Variants in THNSL1 observed in about 807,000 individuals in gnomAD.
THNSL1 encodes the protein threonine synthase-like 1.
Under a neutral mutation model 50.4 loss-of-function variants are expected in THNSL1, and 48 were observed. The observed-to-expected ratio is 0.95, with a 90% CI of 0.76 to 1.21. The LOEUF (loss-of-function observed/expected upper bound fraction) is 1.21. THNSL1 is among the 50% of genes most tolerant of loss of function. The pLI, the probability that THNSL1 is intolerant of heterozygous loss-of-function variation, is 0.00. For missense variants in THNSL1, 896 were observed against 871.7 expected (o/e 1.03, Z -0.35); for synonymous variants, 309 against 306.1 (o/e 1.01, Z -0.10).
At chr10:24,961,880 G>A in the THNSL1 span, among the ~76,000 whole-genome samples, 1 of 152,146 alleles carries the variant, frequency 6.6e-6, no homozygotes, top group African/African-American at 2.4e-5. Context: ...TTGACCGTGA[G>A]CAAGTTTCTT....
At chr10:24,994,412 C>G in the THNSL1 span, among the ~76,000 whole-genome samples, 2 of 151,454 alleles carry the variant, frequency 1.3e-5, no homozygotes, top group African/African-American at 4.9e-5. Context: ...TGGCTCACTG[C>G]AACCCCCGCC....
Position 25,023,655 on chromosome 10 carries a change from T to C in THNSL1, c.432T>C (p.His144=), listed in dbSNP as rs773061897. ...SNPMHDASMW[H]LKKNGIIVYL... is the part of the protein sequence containing the mutation. ...CAATGCATGATGCTAGCATGTGGCA[T>C]CTGAAGAAAAATGGAATAATTGTAT... The change falls in exon 3 of 3, where the codon CAT becomes CAC. Residue 144 remains histidine (H), a synonymous_variant. Transcript: ENST00000376356. 1.2e-6 allele frequency: 2 copies of C among 1,614,146 alleles called. No individual in the cohort carries two copies. The highest frequency in any genetic ancestry group is 1.7e-6 in the Non-Finnish European group (2 of 1,180,012).
the THNSL1 span, chr10:24,952,490 G>C: frequency 1.9e-6 from 3 of 1,559,426 alleles, no homozygotes; most frequent in Non-Finnish European, 2.6e-6. The surrounding 1 kb of genome is among the most constrained non-coding windows in gnomAD (Gnocchi z 5.1). Flanking sequence ...GGAGGGAGGG[G>C]AGCGGGCCGA....
At chr10:24,997,994 G>A in the THNSL1 span, among the ~76,000 whole-genome samples, 1 of 152,064 alleles carries the variant, frequency 6.6e-6, no homozygotes, top group Non-Finnish European at 1.5e-5. Context: ...CAAGACTAGA[G>A]GAAGATACAA....
intron 1 of THNSL1, among the ~76,000 whole-genome samples, chr10:25,020,726 G>A (rs2132749315): frequency 6.8e-6 from 1 of 146,616 alleles, no homozygotes; most frequent in East Asian, 2.1e-4. Context: ...GGGTGACAGT[G>A]GAAGACCCTT....
At chr10:24,963,792 A>G in the THNSL1 span, among the ~76,000 whole-genome samples, 1 of 152,204 alleles carries the variant, frequency 6.6e-6, no homozygotes, top group Non-Finnish European at 1.5e-5. Flanking sequence ...ATAATGATCT[A>G]AGAAACATTC....
intron 1 of THNSL1, among the ~76,000 whole-genome samples, chr10:25,020,871 G>A (rs996719843): frequency 6.6e-6 from 1 of 152,120 alleles, no homozygotes; most frequent in Non-Finnish European, 1.5e-5. Flanking sequence ...ACAAGCAAAA[G>A]CTTCCTGAAT....
chr10:24,959,677 A>G, the THNSL1 span, among the ~76,000 whole-genome samples: 12 of 152,168 alleles, frequency 7.9e-5, no homozygotes, highest in East Asian at 2.3e-3. Flanking sequence ...ACGTTTCCCA[A>G]ACTTTTTTTT....
the THNSL1 span, among the ~76,000 whole-genome samples, chr10:24,970,719 TAA>T: frequency 2.4e-5 from 3 of 123,024 alleles, no homozygotes; most frequent in African/African-American, 8.6e-5. Flanking sequence ...TCTCTATTAA[TAA>T]AAAAAAAAAA....
chr10:25,009,896 C>T, the THNSL1 span, among the ~76,000 whole-genome samples: 5 of 152,162 alleles, frequency 3.3e-5, no homozygotes, highest in Non-Finnish European at 7.4e-5. Flanking sequence ...TGTGGAACTG[C>T]GAGTCAAACC....
chr10:25,018,927 G>A (rs75765292), intron 1 of THNSL1, among the ~76,000 whole-genome samples: 5,623 of 152,212 alleles, frequency 0.037, 365 homozygotes, highest in African/African-American at 0.13. Context: ...TGATGAACTT[G>A]CAAAATTGTT....
chr10:25,002,337 A>T, the THNSL1 span, among the ~76,000 whole-genome samples: 25 of 151,694 alleles, frequency 1.6e-4, no homozygotes, highest in African/African-American at 5.3e-4. Context: ...TCTCTATGCA[A>T]CTCTCCTCTC....
intron 1 of THNSL1, among the ~76,000 whole-genome samples, chr10:25,021,461 T>C (rs74767611): frequency 0.036 from 5,429 of 152,264 alleles, 341 homozygotes; most frequent in African/African-American, 0.12. Context: ...CCAGATATCC[T>C]TCTGAAAAGT....
At chr10:24,967,950 G>C in the THNSL1 span, among the ~76,000 whole-genome samples, 1 of 151,234 alleles carries the variant, frequency 6.6e-6, no homozygotes, top group South Asian at 2.1e-4. Context: ...GTGTGTATGT[G>C]TATGATGTGT....
Position 25,023,610 on chromosome 10 carries a change from T to G in THNSL1, c.387T>G (p.Ile129Met), listed in dbSNP as rs1850769198. ...VLNFSASGSV[I>M]SLTGSNPMHD... ...ACTTCTCTGCATCTGGAAGTGTGAT[T>G]TCCCTTACTGGGTCCAATCCAATGC... The change falls in exon 3 of 3, where the codon ATT becomes ATG. Residue 129 changes from isoleucine (I) to methionine (M), a missense_variant. By Grantham distance (10) the Ile-to-Met change is conservative. Coordinates refer to ENST00000376356, the MANE Select transcript of THNSL1 (RefSeq NM_024838.5). 2 of 1,614,042 alleles carry G rather than the reference T, an allele frequency of 1.2e-6. No individual in the cohort carries two copies. Among genetic ancestry groups the G allele is most frequent in the African/African-American group, 2.7e-5 (2 of 74,924 alleles).
chr10:24,993,835 C>T, the THNSL1 span, among the ~76,000 whole-genome samples: 2 of 152,122 alleles, frequency 1.3e-5, no homozygotes, highest in Admixed American at 1.3e-4. Flanking sequence ...GCTTAGAGAG[C>T]AGCCAGAAGG....
At chr10:24,972,148 C>A in the THNSL1 span, among the ~76,000 whole-genome samples, 1 of 150,024 alleles carries the variant, frequency 6.7e-6, no homozygotes, top group African/African-American at 2.5e-5. Flanking sequence ...GCCAAGATGG[C>A]GCCATTGCAC....
chr10:25,025,119 T>TA lies in THNSL1; in HGVS notation c.1898dup (p.Asn633LysfsTer20). On this transcript the variant is annotated frameshift_variant, in exon 3 of 3. Transcript: ENST00000376356. LOFTEE classifies it high-confidence loss of function. ...GCCTAGCAGCTATTAACTCCACCTATAATACTTCAGGGTATATTTTGGATC... is the reference window on the plus strand; with the variant it reads ...GCCTAGCAGCTATTAACTCCACCTATAAATACTTCAGGGTATATTTTGGATC... The TA allele has an allele frequency of 6.2e-7, 1 of 1,614,210 alleles. No homozygotes were observed. Among genetic ancestry groups the TA allele is most frequent in the South Asian group, 1.1e-5 (1 of 91,078 alleles).
In THNSL1 at chr10:25,021,722, TA is replaced by T. The variant is rs1419855585; in HGVS notation, c.-215-17del. On this transcript the variant is annotated intron_variant, in intron 1 of 2. Transcript: ENST00000376356. Reference sequence around the variant, plus strand: ...ATACTCTATACAGTTATGATTAACTTAAATTTTTTTCCATTATAGACTCCAC... The same window carrying T: ...ATACTCTATACAGTTATGATTAACTTAATTTTTTTCCATTATAGACTCCAC... 18 of 152,318 alleles carry T rather than the reference TA, an allele frequency of 1.2e-4. No homozygotes were observed. The highest frequency in any genetic ancestry group is 4.3e-4 in the African/African-American group (18 of 41,574). 9.4% of individuals were successfully genotyped at this position (152,318 alleles called of 1,614,324 possible).
Sources: gnomAD v4.1 joint callset for allele counts (sites outside exome capture counted in the v4.1 genomes callset) on GRCh38, gnomAD v4.1.1 for gene constraint, Gnocchi (gnomAD v3.1) non-coding constraint, MANE v1.5 for transcripts, NCBI Gene and HGNC (gene_info 2026-07-23, HGNC 2026-07-21) for gene names.